MDFIC2: variants seen among roughly 807,000 people sequenced by gnomAD.
MDFIC2 encodes the protein myoD family inhibitor domain-containing protein 2.
intron 2 of MDFIC2, among the ~76,000 whole-genome samples, chr3:70,297,629 G>A (rs1010699835): frequency 1.3e-5 from 2 of 152,018 alleles, no homozygotes; most frequent in Admixed American, 1.3e-4. Context: ...CTTCAAGGAT[G>A]GAAAAATATT....
At chr3:70,240,479 G>C (rs1205207057) in intron 2 of MDFIC2, among the ~76,000 whole-genome samples, 1 of 151,960 alleles carries the variant, frequency 6.6e-6, no homozygotes, top group Non-Finnish European at 1.5e-5. Flanking sequence ...TTGGAAGTTG[G>C]ACCCTAACTA....
intron 2 of MDFIC2, among the ~76,000 whole-genome samples, chr3:70,247,267 G>A (rs1701716236): frequency 1.3e-5 from 2 of 151,972 alleles, no homozygotes; most frequent in African/African-American, 4.8e-5. Flanking sequence ...CAGATGCAAG[G>A]TGAAATTTGA....
intron 2 of MDFIC2, among the ~76,000 whole-genome samples, chr3:70,264,127 AAT>A (rs1241455624): frequency 6.6e-6 from 1 of 152,204 alleles, no homozygotes; most frequent in Non-Finnish European, 1.5e-5. Context: ...ATGATTACAA[AAT>A]ATATATGTTT....
intron 2 of MDFIC2, among the ~76,000 whole-genome samples, chr3:70,287,274 T>C (rs1702176205): frequency 7.0e-6 from 1 of 143,476 alleles, no homozygotes; most frequent in East Asian, 2.0e-4. Flanking sequence ...TGAAGGGTTG[T>C]TGAATTTTGT....
chr3:70,277,464 G>A (rs979239997), intron 2 of MDFIC2, among the ~76,000 whole-genome samples: 22 of 152,108 alleles, frequency 1.4e-4, no homozygotes, highest in African/African-American at 4.8e-4. Context: ...TATAATGACG[G>A]CTCTTGATTC....
chr3:70,305,284 T>G (rs1252340947), intron 2 of MDFIC2, among the ~76,000 whole-genome samples: 1 of 152,216 alleles, frequency 6.6e-6, no homozygotes, highest in Non-Finnish European at 1.5e-5. Context: ...TACCTTTTCT[T>G]CACCCCTATT....
At chr3:70,220,795 G>A (rs909839523) in intron 2 of MDFIC2, among the ~76,000 whole-genome samples, 7 of 152,132 alleles carry the variant, frequency 4.6e-5, no homozygotes, top group Admixed American at 1.3e-4. Flanking sequence ...TCTCTGAAGC[G>A]TTCCTAGACT....
chr3:70,293,727 T>A (rs777303757), intron 2 of MDFIC2, among the ~76,000 whole-genome samples: 7 of 152,068 alleles, frequency 4.6e-5, no homozygotes, highest in Non-Finnish European at 7.4e-5. Context: ...TTTTTTAAAT[T>A]ACATTAATAT....
rs967484377 is a variant in MDFIC2 at position 70,265,069 on chromosome 3, C to T, written c.88+46817G>A. Among the ~76,000 whole-genome samples, 10 of 152,236 alleles carry T rather than the reference C, an allele frequency of 6.6e-5. No individual in the cohort carries two copies. In the East Asian group the frequency reaches 9.7e-4, roughly 15 times the overall value. On this transcript the variant is annotated intron_variant, in intron 2 of 3. Coordinates refer to ENST00000567252, the MANE Select transcript of MDFIC2 (RefSeq NM_001364677.1). The stretch of plus-strand genomic sequence containing the variant: ...GACTTATTCACTATCACAAGAACAG[C>T]GCAGGAAAGACCTGCCCCCATGATT...
At chr3:70,248,336 T>C (rs1347560522) in intron 2 of MDFIC2, among the ~76,000 whole-genome samples, 1 of 152,078 alleles carries the variant, frequency 6.6e-6, no homozygotes, top group African/African-American at 2.4e-5. Flanking sequence ...TGAAGGAGTT[T>C]ATAAATGGAG....
At chr3:70,227,511 G>C (rs1267552300) in intron 2 of MDFIC2, among the ~76,000 whole-genome samples, 1 of 152,202 alleles carries the variant, frequency 6.6e-6, no homozygotes. Flanking sequence ...AATTTCGATA[G>C]AGGGACAAGG....
intron 2 of MDFIC2, among the ~76,000 whole-genome samples, chr3:70,225,288 G>A (rs1701492987): frequency 6.6e-6 from 1 of 152,158 alleles, no homozygotes; most frequent in South Asian, 2.1e-4. Flanking sequence ...ATTCTCTTCA[G>A]TGTGAGAATT....
intron 2 of MDFIC2, chr3:70,249,483 A>G (rs1701739433): frequency 6.6e-6 from 1 of 151,992 alleles, no homozygotes; most frequent in South Asian, 2.1e-4. Flanking sequence ...TACAATTTCA[A>G]TTTTTCCCTC....
At chr3:70,221,687 T>C (rs1050850954) in intron 2 of MDFIC2, among the ~76,000 whole-genome samples, 1 of 152,146 alleles carries the variant, frequency 6.6e-6, no homozygotes, top group African/African-American at 2.4e-5. Context: ...GATGCCAAGG[T>C]TCAAATGGAA....
chr3:70,254,684 T>A (rs1489116894), intron 2 of MDFIC2, among the ~76,000 whole-genome samples: 2 of 152,160 alleles, frequency 1.3e-5, no homozygotes, highest in African/African-American at 4.8e-5. Context: ...TGGTAGATAA[T>A]CTTTTTCTTA....
At chr3:70,242,559 T>G (rs1470143712) in intron 2 of MDFIC2, among the ~76,000 whole-genome samples, 2 of 152,196 alleles carry the variant, frequency 1.3e-5, no homozygotes, top group Non-Finnish European at 2.9e-5. Flanking sequence ...TCCCTCCTTC[T>G]CTGCTGCATT....
chr3:70,280,914 C>T lies in MDFIC2; in HGVS notation c.88+30972G>A, dbSNP rs753191074. 9.2e-5 allele frequency among the ~76,000 whole-genome samples: 14 copies of T among 152,258 alleles called. No individual in the cohort carries two copies. The Middle Eastern group carries it at 0.017, about 185-fold the overall frequency. On this transcript the variant is annotated intron_variant, in intron 2 of 3. Coordinates refer to ENST00000567252, the MANE Select transcript of MDFIC2 (RefSeq NM_001364677.1). The stretch of plus-strand genomic sequence containing the variant: ...AACAGATAGGACTTGCTGGGTTTCC[C>T]TACTCAGTCTACTAGCATTAGATCA...
At chr3:70,214,197 A>G (rs1701382291) in intron 2 of MDFIC2, among the ~76,000 whole-genome samples, 1 of 152,114 alleles carries the variant, frequency 6.6e-6, no homozygotes, top group African/African-American at 2.4e-5. Context: ...AGGATAAATA[A>G]GATACATATA....
intron 2 of MDFIC2, among the ~76,000 whole-genome samples, chr3:70,304,844 A>G (rs1289691768): frequency 6.6e-6 from 1 of 152,170 alleles, no homozygotes; most frequent in African/African-American, 2.4e-5. Context: ...CTGACCAACA[A>G]GGTTCTGCAT....
Sources: gnomAD v4.1 joint callset for allele counts (sites outside exome capture counted in the v4.1 genomes callset) on GRCh38, gnomAD v4.1.1 for gene constraint, MANE v1.5 for transcripts, NCBI Gene and HGNC (gene_info 2026-07-23, HGNC 2026-07-21) for gene names.